The following ALKAL1 variants were observed in gnomAD, a reference collection of about 807,000 sequenced individuals.
ALKAL1 encodes ALK and LTK ligand 1.
ALKAL1 carries 23 observed loss-of-function variants against 13.5 expected under a neutral mutation model. That is an observed-to-expected ratio of 1.70 (90% CI 1.23 to 2.41). ALKAL1 has a LOEUF of 2.41. Among genes scored for constraint, ALKAL1 ranks in the 30% most tolerant of loss-of-function variants. The probability of loss-of-function intolerance (pLI) is 0.00; values close to 1 mark genes in which losing one functional copy is unlikely to be tolerated. For synonymous variants in ALKAL1, 85 were observed against 77.7 expected (o/e 1.09, Z -0.49); for missense variants, 181 against 178.4 (o/e 1.01, Z -0.08).
chr8:52,562,970 C>T (rs148189406), intron 1 of ALKAL1, among the ~76,000 whole-genome samples: 31 of 152,326 alleles, frequency 2.0e-4, no homozygotes, highest in Non-Finnish European at 3.2e-4. Flanking sequence ...GACTCAGATA[C>T]GGATGTCATG....
chr8:52,543,551 A>G (rs1847335627), intron 1 of ALKAL1, among the ~76,000 whole-genome samples: 1 of 152,210 alleles, frequency 6.6e-6, no homozygotes, highest in Non-Finnish European at 1.5e-5. Context: ...ATGCAGAGAG[A>G]TCGGAGCTCC....
rs147008562 is a variant in ALKAL1, at chr8:52,563,399, C to T, written c.190+1668G>A. Among the ~76,000 whole-genome samples, 802 of 152,258 alleles carry T rather than the reference C, an allele frequency of 5.3e-3. 7 individuals carry two copies. The highest frequency in any genetic ancestry group is 0.018 in the African/African-American group (740 of 41,538). On this transcript the variant is annotated intron_variant, in intron 1 of 4. Transcript: ENST00000358543. ...TGAGCCGAGATCACGCCACTGCACT[C>T]CAGCCTGGGAGACAGGAGCGAAACT...
intron 1 of ALKAL1, among the ~76,000 whole-genome samples, chr8:52,542,730 C>T (rs1351291504): frequency 6.6e-6 from 1 of 152,218 alleles, no homozygotes; most frequent in South Asian, 2.1e-4. Context: ...CTGTTTCTCC[C>T]GTGTTCCTCA....
intron 1 of ALKAL1, among the ~76,000 whole-genome samples, chr8:52,563,804 A>C (rs770453639): frequency 3.9e-5 from 6 of 151,988 alleles, no homozygotes; most frequent in Non-Finnish European, 7.4e-5. Context: ...AGCCCACCTC[A>C]GCCTCCCACC....
At chr8:52,554,175 G>A (rs534711929) in intron 1 of ALKAL1, among the ~76,000 whole-genome samples, 1 of 152,306 alleles carries the variant, frequency 6.6e-6, no homozygotes, top group East Asian at 1.9e-4. Flanking sequence ...AGTGAACCGA[G>A]ATCGCACCAT....
chr8:52,536,505 A>T (rs1228908581), intron 4 of ALKAL1, among the ~76,000 whole-genome samples: 2 of 152,230 alleles, frequency 1.3e-5, no homozygotes, highest in African/African-American at 2.4e-5. Context: ...TCCTACGATA[A>T]ATTAGCCAGA....
intron 1 of ALKAL1, among the ~76,000 whole-genome samples, chr8:52,560,818 G>A (rs536007031): frequency 8.5e-5 from 13 of 152,212 alleles, no homozygotes; most frequent in South Asian, 6.2e-4. Context: ...CCCAACAGAC[G>A]TCTGGTCATA....
In ALKAL1 at chr8:52,565,083, G is replaced by A; in HGVS notation, c.174C>T (p.Ser58=). 2.1e-6 allele frequency: 3 copies of A among 1,407,740 alleles called. No homozygotes were observed. The highest frequency in any genetic ancestry group is 1.5e-5 in the South Asian group (1 of 64,580). 87.2% of individuals were successfully genotyped at this position (1,407,740 alleles called of 1,614,324 possible). A position where few individuals can be genotyped will look rare whatever the true frequency, so the allele number is the denominator to read the frequency against. ...LPAAGAGRTP[S]GSRSAEIFPR... ...ACATCGTACCTGCGCTCCGGGAGCC[G>A]CTGGGAGTCCGGCCGGCCCCGGCCG... Residue 58 remains serine (S), a synonymous_variant, in exon 1 of 5, where the codon AGC becomes AGT. Transcript: ENST00000358543.
chr8:52,551,641 T>C (rs1006817936), intron 1 of ALKAL1, among the ~76,000 whole-genome samples: 6 of 152,006 alleles, frequency 3.9e-5, no homozygotes, highest in African/African-American at 1.4e-4. Flanking sequence ...TCACTCCAGG[T>C]TATTTATATT....
At chr8:52,538,618 C>A (rs28694761) in intron 3 of ALKAL1, 111 bp from the exon 4 acceptor site, 5 of 689,066 alleles carry the variant, frequency 7.3e-6, no homozygotes, top group African/African-American at 7.3e-5. Flanking sequence ...TTAATAAATA[C>A]CTACTATGTT....
intron 1 of ALKAL1, among the ~76,000 whole-genome samples, chr8:52,556,646 C>CAA (rs59483863): frequency 0.03 from 1,540 of 51,272 alleles, 290 homozygotes; most frequent in Admixed American, 0.082. Context: ...AACTCTGTCT[C>CAA]AAAAAAAAAA....
At chr8:52,547,368 C>T (rs553426295) in intron 1 of ALKAL1, among the ~76,000 whole-genome samples, 4 of 151,966 alleles carry the variant, frequency 2.6e-5, no homozygotes, top group Non-Finnish European at 5.9e-5. Context: ...AGCGTGGTAG[C>T]GTGTGCCAGA....
intron 1 of ALKAL1, among the ~76,000 whole-genome samples, chr8:52,543,165 A>G (rs1310974452): frequency 6.6e-6 from 1 of 152,250 alleles, no homozygotes; most frequent in Admixed American, 6.5e-5. Flanking sequence ...AATTTATACA[A>G]ACAATCGGGA....
At chr8:52,555,735 C>G (rs887083649) in intron 1 of ALKAL1, among the ~76,000 whole-genome samples, 1 of 152,196 alleles carries the variant, frequency 6.6e-6, no homozygotes, top group Admixed American at 6.5e-5. Flanking sequence ...CCTACGCCCA[C>G]TCACCCTGCC....
chr8:52,548,246 G>T lies in ALKAL1; in HGVS notation c.191-5801C>A, dbSNP rs533482977. Among the ~76,000 whole-genome samples, 10 of 152,268 alleles carry T rather than the reference G, an allele frequency of 6.6e-5. No homozygotes were observed. The South Asian group carries it at 2.1e-3, about 32-fold the overall frequency. ...CACACCTGTAATCCCAGCTACTCAG[G>T]AGGCTGAGGCAGGGGAATCACGTGA... On this transcript the variant is annotated intron_variant, in intron 1 of 4. Coordinates refer to ENST00000358543, the MANE Select transcript of ALKAL1 (RefSeq NM_207413.4).
chr8:52,546,682 G>A (rs919145301), intron 1 of ALKAL1, among the ~76,000 whole-genome samples: 4 of 152,220 alleles, frequency 2.6e-5, no homozygotes, highest in Non-Finnish European at 4.4e-5. Context: ...TCGGGTATCA[G>A]TTTAAGACTG....
In ALKAL1 at chr8:52,565,327, C is replaced by A; in HGVS notation, c.-71G>T. On this transcript the variant is annotated 5_prime_UTR_variant, in exon 1 of 5. Coordinates refer to ENST00000358543, the MANE Select transcript of ALKAL1 (RefSeq NM_207413.4). ...GACGCAGGTCCGGAGGGTGCGCGGCCCAAGAGAAGGCCAGCGGGACCACAG... is the reference window on the plus strand; with the variant it reads ...GACGCAGGTCCGGAGGGTGCGCGGCACAAGAGAAGGCCAGCGGGACCACAG... The A allele has an allele frequency of 8.4e-7, 1 of 1,184,032 alleles. No individual in the cohort carries two copies. The highest frequency in any genetic ancestry group is 1.1e-6 in the Non-Finnish European group (1 of 925,740). The allele number at this position is 1,184,032 out of a possible 1,614,324, so 73.3% of individuals were successfully genotyped here. A position where few individuals can be genotyped will look rare whatever the true frequency, so the allele number is the denominator to read the frequency against.
At chr8:52,552,119 T>C (rs535656598) in intron 1 of ALKAL1, among the ~76,000 whole-genome samples, 3 of 152,330 alleles carry the variant, frequency 2.0e-5, no homozygotes, top group South Asian at 4.1e-4. Flanking sequence ...TTGGCCGTGA[T>C]AGTCTCTCAA....
chr8:52,557,806 G>A (rs1412469107), intron 1 of ALKAL1, among the ~76,000 whole-genome samples: 3 of 149,800 alleles, frequency 2.0e-5, no homozygotes, highest in East Asian at 2.0e-4. Flanking sequence ...GCAATGTAGC[G>A]AAACCCATCT....
Sources: allele counts gnomAD v4.1 joint callset (sites outside exome capture counted in the v4.1 genomes callset), GRCh38; gene constraint gnomAD v4.1.1; transcripts MANE v1.5; gene names NCBI Gene and HGNC (gene_info 2026-07-23, HGNC 2026-07-21).